CBFA2T2: variants seen among roughly 807,000 people sequenced by gnomAD.
CBFA2T2 encodes CBFA2/RUNX1 partner transcriptional co-repressor 2, also known as protein CBFA2T2.
CBFA2T2 carries 11 observed loss-of-function variants against 62.2 expected under a neutral mutation model. The observed-to-expected ratio is 0.18, with a 90% CI of 0.11 to 0.29. The LOEUF is 0.29. Among genes scored for constraint, CBFA2T2 ranks in the 10% least tolerant of loss-of-function variants. CBFA2T2 has a pLI of 1.00. For synonymous variants in CBFA2T2, 295 were observed against 287.5 expected (o/e 1.03, Z -0.27); for missense variants, 592 against 774.1 (o/e 0.76, Z 2.79).
At chr20:33,497,295 A>AAAAAGAATG (rs1211627446) in intron 1 of CBFA2T2, among the ~76,000 whole-genome samples, 1 of 150,730 alleles carries the variant, frequency 6.6e-6, no homozygotes, top group Non-Finnish European at 1.5e-5. Context: ...AAAAAAAAAA[A>AAAAAGAATG]AAAGAATGTG....
At chr20:33,534,786 A>G (rs1481378113) in intron 1 of CBFA2T2, among the ~76,000 whole-genome samples, 1 of 133,122 alleles carries the variant, frequency 7.5e-6, no homozygotes, top group Admixed American at 8.5e-5. Context: ...CAGTCAGAAC[A>G]CACACAGCAT....
At chr20:33,528,500 C>CA (rs751022820) in intron 1 of CBFA2T2, among the ~76,000 whole-genome samples, 5 of 152,158 alleles carry the variant, frequency 3.3e-5, no homozygotes, top group Admixed American at 6.6e-5. Flanking sequence ...ATTTTTCTCT[C>CA]TTTTTTGAAT....
intron 1 of CBFA2T2, chr20:33,574,382 T>C: frequency 1.2e-6 from 1 of 830,602 alleles, no homozygotes; most frequent in South Asian, 1.5e-5. Flanking sequence ...TCCCAGCACT[T>C]TGGGAGGCCA....
At chr20:33,537,473 C>T (rs940020779) in intron 1 of CBFA2T2, among the ~76,000 whole-genome samples, 5 of 152,158 alleles carry the variant, frequency 3.3e-5, no homozygotes, top group East Asian at 1.9e-4. Flanking sequence ...AGAGGGAGAC[C>T]GTGGAAAGAG....
chr20:33,640,491 A>T lies in CBFA2T2; in HGVS notation c.1448A>T (p.Asp483Val). ...IADVKRQAAE[D>V]AFLVINEQEE... The stretch of plus-strand genomic sequence containing the variant: ...GATGTCAAGCGGCAGGCCGCAGAGG[A>T]TGCTTTCCTCGTCATCAATGAGCAA... Residue 483 changes from aspartate to valine, a missense_variant, in exon 10 of 11, where the codon GAT becomes GTT. Transcript: ENST00000342704. 1.2e-6 allele frequency: 2 copies of T among 1,614,188 alleles called. No individual in the cohort carries two copies. The highest frequency in any genetic ancestry group is 1.7e-6 in the Non-Finnish European group (2 of 1,180,036).
chr20:33,608,157 C>A (rs961115855), intron 2 of CBFA2T2, among the ~76,000 whole-genome samples: 2 of 152,188 alleles, frequency 1.3e-5, no homozygotes, highest in African/African-American at 4.8e-5. Flanking sequence ...CCAAAAGAAC[C>A]CCAAATAAAC....
chr20:33,546,008 A>G (rs2012555847), intron 1 of CBFA2T2, among the ~76,000 whole-genome samples: 1 of 152,238 alleles, frequency 6.6e-6, no homozygotes, highest in Non-Finnish European at 1.5e-5. Flanking sequence ...GTTTTGTTAA[A>G]TGTCCTACAA....
At chr20:33,502,469 C>G (rs6120280) in intron 1 of CBFA2T2, among the ~76,000 whole-genome samples, 44,924 of 151,308 alleles carry the variant, frequency 0.3, 6,866 homozygotes, top group East Asian at 0.36. Context: ...TGCAGTGGCC[C>G]GATCTCGGCT....
rs537107902 is a variant in CBFA2T2, at chr20:33,552,985, TTAACTCTAG to T, written c.35-53969_35-53961del. ...AGATTATGTCTATATAGCACACCCC[TTAACTCTAG>T]TCCCTGCTGTGAAGCTCATAGTTCT... On this transcript the variant is annotated intron_variant, in intron 1 of 10. Coordinates refer to ENST00000342704, the MANE Select transcript of CBFA2T2 (RefSeq NM_001032999.3). 4.7e-3 allele frequency among the ~76,000 whole-genome samples: 715 copies of T among 152,332 alleles called. 2 individuals are homozygous for T. Among genetic ancestry groups the T allele is most frequent in the Non-Finnish European group, 7.3e-3 (496 of 68,032 alleles).
chr20:33,501,630 C>T (rs1453607607), intron 1 of CBFA2T2, among the ~76,000 whole-genome samples: 63 of 63,244 alleles, frequency 1.0e-3, no homozygotes, highest in East Asian at 1.2e-3. Context: ...CTTAGCCTTC[C>T]TTTTTTTTTT....
At chr20:33,568,509 G>C (rs2013428716) in intron 1 of CBFA2T2, among the ~76,000 whole-genome samples, 3 of 152,174 alleles carry the variant, frequency 2.0e-5, no homozygotes, top group Admixed American at 2.0e-4. Context: ...TGGAAGAGCT[G>C]GGGGATGGGC....
chr20:33,641,675 C>T (rs1411309015), intron 10 of CBFA2T2, among the ~76,000 whole-genome samples: 1 of 152,072 alleles, frequency 6.6e-6, no homozygotes, highest in African/African-American at 2.4e-5. Context: ...CCTCTACCTC[C>T]GGGTTCAAGC....
chr20:33,581,480 T>G (rs993296744), intron 1 of CBFA2T2, among the ~76,000 whole-genome samples: 3 of 150,662 alleles, frequency 2.0e-5, no homozygotes, highest in South Asian at 2.1e-4. Flanking sequence ...TTTTTGTTCT[T>G]TGTGTGTGTG....
chr20:33,638,719 G>A (rs1319182937), intron 9 of CBFA2T2: 3 of 152,130 alleles, frequency 2.0e-5, no homozygotes. Context: ...CTAGTCCTGT[G>A]GACTTACGTA....
chr20:33,512,685 T>C (rs1006168021), intron 1 of CBFA2T2, among the ~76,000 whole-genome samples: 2 of 152,090 alleles, frequency 1.3e-5, no homozygotes, highest in Non-Finnish European at 2.9e-5. Flanking sequence ...GTTTCTAGTT[T>C]TGGACTATTA....
chr20:33,499,357 C>T (rs986058456), intron 1 of CBFA2T2, among the ~76,000 whole-genome samples: 3 of 152,136 alleles, frequency 2.0e-5, no homozygotes, highest in African/African-American at 7.2e-5. Flanking sequence ...TCCCTGAAAG[C>T]TTGGAGGCTA....
chr20:33,548,064 C>T (rs1413330532), intron 1 of CBFA2T2, among the ~76,000 whole-genome samples: 1 of 151,640 alleles, frequency 6.6e-6, no homozygotes, highest in South Asian at 2.1e-4. Context: ...AGCCACTGGA[C>T]GATACCTGGC....
intron 1 of CBFA2T2, among the ~76,000 whole-genome samples, chr20:33,523,069 A>C (rs533749690): frequency 4.6e-5 from 7 of 152,256 alleles, no homozygotes; most frequent in Admixed American, 1.3e-4. Context: ...GAAGGGGCAA[A>C]TTTACCTTAG....
At chr20:33,619,110 C>T (rs2015827008) in intron 3 of CBFA2T2, among the ~76,000 whole-genome samples, 1 of 152,180 alleles carries the variant, frequency 6.6e-6, no homozygotes, top group Non-Finnish European at 1.5e-5. Context: ...CACGGTGGCT[C>T]ACCCCTGTAA....
Sources: gnomAD v4.1 joint callset for allele counts (sites outside exome capture counted in the v4.1 genomes callset) on GRCh38, gnomAD v4.1.1 for gene constraint, MANE v1.5 for transcripts, NCBI Gene and HGNC (gene_info 2026-07-23, HGNC 2026-07-21) for gene names.